The following SV2C variants were observed in gnomAD, a reference collection of about 807,000 sequenced individuals.
The protein encoded by SV2C is solute carrier family 22 member B3.
In SV2C, 49 loss-of-function variants were observed where a neutral mutation model predicts 79.7. The observed-to-expected ratio is 0.61, with a 90% CI of 0.49 to 0.78. SV2C has a LOEUF of 0.78. Among genes scored for constraint, SV2C ranks in the 30% least tolerant of loss-of-function variants. The pLI is 0.00. For missense variants in SV2C, 833 were observed against 912.9 expected (o/e 0.91, Z 1.13); for synonymous variants, 334 against 333.2 (o/e 1.00, Z -0.03).
the SV2C span, among the ~76,000 whole-genome samples, chr5:75,998,874 T>C: frequency 6.6e-6 from 1 of 152,106 alleles, no homozygotes; most frequent in Admixed American, 6.6e-5. Flanking sequence ...TATGTATATA[T>C]AATACATCTC....
At chr5:75,971,839 T>C in the SV2C span, among the ~76,000 whole-genome samples, 7 of 152,006 alleles carry the variant, frequency 4.6e-5, no homozygotes, top group South Asian at 1.4e-3. Flanking sequence ...AAAGTTCATA[T>C]GGAACCAAAA....
chr5:76,310,784 A>G (rs1748411136), intron 12 of SV2C, among the ~76,000 whole-genome samples: 1 of 152,194 alleles, frequency 6.6e-6, no homozygotes, highest in Non-Finnish European at 1.5e-5. Flanking sequence ...GTCTGGGGGT[A>G]AATCCATCAA....
chr5:76,220,534 T>C lies in SV2C; in HGVS notation c.913+10647T>C, dbSNP rs148541133. On this transcript the variant is annotated intron_variant, in intron 4 of 12. Coordinates refer to ENST00000502798, the MANE Select transcript of SV2C (RefSeq NM_014979.4). Reference sequence around the variant, plus strand: ...TAAAAATACAAAAATTAGCTGGGCATGGTGTCAGGTGCCTATAATTCCAGC... The same window carrying C: ...TAAAAATACAAAAATTAGCTGGGCACGGTGTCAGGTGCCTATAATTCCAGC... Among the ~76,000 whole-genome samples, 759 of 149,598 alleles carry C rather than the reference T, an allele frequency of 5.1e-3. 13 individuals are homozygous for C. The highest frequency in any genetic ancestry group is 0.023 in the East Asian group (115 of 5,074).
At chr5:75,901,324 G>T in the SV2C span, among the ~76,000 whole-genome samples, 2 of 152,210 alleles carry the variant, frequency 1.3e-5, no homozygotes, top group South Asian at 2.1e-4. Context: ...TGAGCTGCAG[G>T]TCTGTTGGAG....
chr5:76,073,332 T>C, the SV2C span, among the ~76,000 whole-genome samples: 3 of 151,926 alleles, frequency 2.0e-5, no homozygotes, highest in Admixed American at 2.0e-4. Context: ...CCCAGCATCA[T>C]TTTTTGAAAA....
the SV2C span, among the ~76,000 whole-genome samples, chr5:76,056,776 TTATC>T: frequency 3.9e-5 from 6 of 152,028 alleles, no homozygotes; most frequent in Admixed American, 2.0e-4. Flanking sequence ...TTCTTCTAGA[TTATC>T]TAGTTTATTT....
the SV2C span, among the ~76,000 whole-genome samples, chr5:76,033,068 T>C: frequency 6.6e-6 from 1 of 152,206 alleles, no homozygotes; most frequent in Admixed American, 6.5e-5. Flanking sequence ...TCTGTTCATG[T>C]CCTTTGTCCA....
chr5:76,319,626 T>G (rs1748759166), intron 12 of SV2C, among the ~76,000 whole-genome samples: 1 of 152,100 alleles, frequency 6.6e-6, no homozygotes, highest in South Asian at 2.1e-4. Context: ...TAAGAAGGAT[T>G]TGATCGTCTT....
chr5:75,895,086 G>A, the SV2C span, among the ~76,000 whole-genome samples: 3 of 152,216 alleles, frequency 2.0e-5, no homozygotes, highest in African/African-American at 7.2e-5. Context: ...AGCCACACAT[G>A]ACAACGAATG....
intron 2 of SV2C, among the ~76,000 whole-genome samples, chr5:76,154,476 G>A (rs1478288784): frequency 6.6e-6 from 1 of 152,156 alleles, no homozygotes. Flanking sequence ...TATTCAATGA[G>A]GATGGAATCA....
the SV2C span, among the ~76,000 whole-genome samples, chr5:75,870,844 C>A: frequency 0.024 from 3,606 of 152,246 alleles, 139 homozygotes; most frequent in African/African-American, 0.082. Context: ...ACCTTACAGG[C>A]CAGGAGAGAG....
intron 3 of SV2C, among the ~76,000 whole-genome samples, chr5:76,197,707 C>CAGACAGATAGATAGATAGATAGAT (rs1554039521): frequency 1.4e-5 from 2 of 145,494 alleles, no homozygotes; most frequent in Non-Finnish European, 3.0e-5. Flanking sequence ...GATAGACAGG[C>CAGACAGATAGATAGATAGATAGAT]AGATAGATAG....
chr5:76,219,096 G>T (rs945506072), intron 4 of SV2C, among the ~76,000 whole-genome samples: 5 of 152,116 alleles, frequency 3.3e-5, no homozygotes, highest in African/African-American at 1.2e-4. Flanking sequence ...GATAACTGGG[G>T]TTCCTCTCAG....
At chr5:76,164,889 C>T (rs1743002548) in intron 2 of SV2C, among the ~76,000 whole-genome samples, 1 of 152,008 alleles carries the variant, frequency 6.6e-6, no homozygotes, top group Admixed American at 6.6e-5. Context: ...ATAACCCACC[C>T]ACATCCTCCT....
chr5:75,855,407 A>T, the SV2C span, among the ~76,000 whole-genome samples: 1 of 152,092 alleles, frequency 6.6e-6, no homozygotes, highest in South Asian at 2.1e-4. Flanking sequence ...CTTTTGTGAT[A>T]GATTCTTAAG....
the SV2C span, among the ~76,000 whole-genome samples, chr5:75,985,445 T>C: frequency 6.6e-6 from 1 of 152,098 alleles, no homozygotes; most frequent in African/African-American, 2.4e-5. Context: ...GGTTGACCCA[T>C]AGAATCAACC....
intron 12 of SV2C, among the ~76,000 whole-genome samples, chr5:76,303,241 A>G (rs1182385118): frequency 6.6e-6 from 1 of 152,204 alleles, no homozygotes; most frequent in Non-Finnish European, 1.5e-5. Context: ...CATTCAACAA[A>G]TGTTAATTCT....
At chr5:75,952,278 C>T in the SV2C span, among the ~76,000 whole-genome samples, 9 of 131,374 alleles carry the variant, frequency 6.9e-5, no homozygotes, top group Non-Finnish European at 1.6e-4. Flanking sequence ...TTCCTTCCTT[C>T]CTTCCTTCCT....
chr5:76,291,902 A>G lies in SV2C; in HGVS notation c.1337+46A>G, dbSNP rs1254963893. On this transcript the variant is annotated intron_variant, in intron 8 of 12. Transcript: ENST00000502798. The stretch of plus-strand genomic sequence containing the variant: ...TGGCAAGCAAAATCGTTCAATGTCC[A>G]CATTGTAACTCCTAGCCATGCTGCT... 3.0e-6 allele frequency: 4 copies of G among 1,343,506 alleles called. No homozygotes were observed. In the South Asian group the frequency reaches 4.9e-5, roughly 16 times the overall value. 83.2% of individuals were successfully genotyped at this position (1,343,506 alleles called of 1,614,324 possible). A position where few individuals can be genotyped will look rare whatever the true frequency, so the allele number is the denominator to read the frequency against.
Sources: allele counts gnomAD v4.1 joint callset (sites outside exome capture counted in the v4.1 genomes callset), GRCh38; gene constraint gnomAD v4.1.1; transcripts MANE v1.5; gene names NCBI Gene and HGNC (gene_info 2026-07-23, HGNC 2026-07-21).